Variants in DEK observed in about 807,000 individuals in gnomAD.
The protein encoded by DEK is DEK proto-oncogene, also known as protein DEK.
DEK carries 28 observed loss-of-function variants against 46.8 expected under a neutral mutation model. That is an observed-to-expected ratio of 0.60 (90% CI 0.44 to 0.82). The LOEUF is 0.82. Ranked by LOEUF, DEK falls within the 40% of genes least tolerant of loss-of-function variation. The pLI, the probability that DEK is intolerant of heterozygous loss-of-function variation, is 0.00. For synonymous variants in DEK, 160 were observed against 144.5 expected, an observed-to-expected ratio of 1.11 and a Z score of -0.77; for missense variants, 416 against 430.6, an observed-to-expected ratio of 0.97 and a Z score of 0.30.
rs1361024589 is a variant in DEK at position 18,237,041 on chromosome 6, G to A, written c.898+340C>T. 2.4e-5 allele frequency: 5 copies of A among 205,380 alleles called. No homozygotes were observed. The South Asian group carries it at 4.7e-4, about 19-fold the overall frequency. 12.7% of individuals were successfully genotyped at this position (205,380 alleles called of 1,614,324 possible). A position where few individuals can be genotyped will look rare whatever the true frequency, so the allele number is the denominator to read the frequency against. ...CAGCAGTTCAAGGCTACAGTGAGCT[G>A]TAACGGCACCACTGCAATAAATAAT... On this transcript the variant is annotated intron_variant, in intron 8 of 10. Coordinates refer to ENST00000652689, the MANE Select transcript of DEK (RefSeq NM_003472.4).
chr6:18,230,564 CAG>C (rs939599299), intron 9 of DEK, among the ~76,000 whole-genome samples: 22 of 152,102 alleles, frequency 1.4e-4, no homozygotes, highest in African/African-American at 4.8e-4. Flanking sequence ...ACAAAAAAAA[CAG>C]GGGTTGCAAT....
rs78715870 is a variant in DEK at position 18,242,869 on chromosome 6, T to C, written c.763-5353A>G. Among the ~76,000 whole-genome samples, 757 of 152,300 alleles carry C rather than the reference T, an allele frequency of 5.0e-3. 5 individuals carry two copies. The highest frequency in any genetic ancestry group is 0.017 in the African/African-American group (724 of 41,562). On this transcript the variant is annotated intron_variant, in intron 7 of 10. Transcript: ENST00000652689. ...CTATAGTAAGAACAAATCTTCTATA[T>C]GTGAAATTGTGAAGGGAAAAGAACT...
At chr6:18,228,737 G>A (rs574709406) in intron 9 of DEK, among the ~76,000 whole-genome samples, 43 of 152,260 alleles carry the variant, frequency 2.8e-4, no homozygotes, top group Admixed American at 2.7e-3. Context: ...TCCCGCGCCT[G>A]GCTCGGAGAG....
intron 7 of DEK, 102 bp from the exon 8 acceptor site, chr6:18,237,618 C>T (rs905468531): frequency 1.4e-6 from 2 of 1,395,064 alleles, no homozygotes; most frequent in Non-Finnish European, 1.9e-6. Flanking sequence ...TTAGAGAAAA[C>T]CAATATATTT....
chr6:18,250,567 CCT>C (rs1491187744), intron 6 of DEK, among the ~76,000 whole-genome samples: 10 of 114,426 alleles, frequency 8.7e-5, no homozygotes, highest in African/African-American at 3.3e-4. Context: ...GGGAGAAAAA[CCT>C]TTTTTTTTTT....
intron 9 of DEK, among the ~76,000 whole-genome samples, chr6:18,230,853 A>G (rs983012319): frequency 2.0e-5 from 3 of 152,178 alleles, no homozygotes; most frequent in Non-Finnish European, 1.5e-5. Flanking sequence ...CCAGGAATTG[A>G]ACTCAGCTCT....
At chr6:18,250,009 G>C (rs1375407948) in intron 6 of DEK, among the ~76,000 whole-genome samples, 170 bp from the exon 7 acceptor site, 1 of 152,094 alleles carries the variant, frequency 6.6e-6, no homozygotes, top group Non-Finnish European at 1.5e-5. Context: ...ACCTAAAACT[G>C]TGTTACTAAT....
intron 9 of DEK, among the ~76,000 whole-genome samples, chr6:18,230,758 G>C: frequency 6.6e-6 from 1 of 152,124 alleles, no homozygotes; most frequent in East Asian, 1.9e-4. Context: ...AAGAGACGTA[G>C]ACTCCCACAC....
chr6:18,237,047 G>GCA (rs1790683779), intron 8 of DEK: 1 of 208,226 alleles, frequency 4.8e-6, no homozygotes, highest in Non-Finnish European at 9.4e-6. Flanking sequence ...AGCTGTAACG[G>GCA]CACCACTGCA....
chr6:18,238,482 A>C (rs1262522064), intron 7 of DEK, among the ~76,000 whole-genome samples: 2 of 151,878 alleles, frequency 1.3e-5, no homozygotes, highest in African/African-American at 4.8e-5. Context: ...GCGGATCATG[A>C]GATCAAGAGA....
At chr6:18,245,094 G>A (rs777030584) in intron 7 of DEK, among the ~76,000 whole-genome samples, 5 of 152,196 alleles carry the variant, frequency 3.3e-5, no homozygotes, top group Admixed American at 6.6e-5. Context: ...AGTTAGGTGG[G>A]CAGACAACAA....
At chr6:18,250,568 C>CTTTTT (rs70974716) in intron 6 of DEK, among the ~76,000 whole-genome samples, 2 of 62,814 alleles carry the variant, frequency 3.2e-5, no homozygotes, top group African/African-American at 6.9e-5. Flanking sequence ...GGAGAAAAAC[C>CTTTTT]TTTTTTTTTT....
chr6:18,259,424 A>T (rs1561993151), intron 2 of DEK, among the ~76,000 whole-genome samples: 33 of 144,802 alleles, frequency 2.3e-4, no homozygotes, highest in Non-Finnish European at 3.4e-4. Flanking sequence ...AAAAAAAAAA[A>T]AAAAAAAAAT....
At chr6:18,237,860 C>CTTTTTTTTTT (rs60332682) in intron 7 of DEK, among the ~76,000 whole-genome samples, 2 of 88,500 alleles carry the variant, frequency 2.3e-5, no homozygotes, top group Non-Finnish European at 4.2e-5. Context: ...CAACTGGAAT[C>CTTTTTTTTTT]TTTTTTTTTT....
intron 7 of DEK, among the ~76,000 whole-genome samples, chr6:18,241,007 A>G (rs1168912757): frequency 6.6e-6 from 1 of 152,232 alleles, no homozygotes; most frequent in Non-Finnish European, 1.5e-5. Context: ...AACCAGCTGT[A>G]AATTCTTCTG....
chr6:18,225,796 T>A, intron 10 of DEK, 66 bp from the exon 11 acceptor site: 2 of 1,576,174 alleles, frequency 1.3e-6, no homozygotes, highest in Non-Finnish European at 1.7e-6. Context: ...TTTCCACATC[T>A]ATTTTACTAT....
chr6:18,262,747 T>C (rs1392137918), intron 2 of DEK, among the ~76,000 whole-genome samples: 1 of 152,222 alleles, frequency 6.6e-6, no homozygotes, highest in Non-Finnish European at 1.5e-5. Flanking sequence ...GCAGCCAATT[T>C]TGTTGTTGTA....
chr6:18,264,015 C>G lies in DEK; in HGVS notation c.-9-19G>C. The G allele has an allele frequency of 6.3e-7, 1 of 1,583,604 alleles. No individual in the cohort carries two copies. Among genetic ancestry groups the G allele is most frequent in the Middle Eastern group, 1.7e-4 (1 of 5,918 alleles). ...TGTGAACCTGCATGCGGGAAGAAAG[C>G]CGGACGTCTCGGTCCTCCTACTCCC... On this transcript the variant is annotated intron_variant, in intron 1 of 10. Transcript: ENST00000652689.
intron 9 of DEK, among the ~76,000 whole-genome samples, chr6:18,227,044 A>AG (rs1215551442): frequency 6.6e-6 from 1 of 152,242 alleles, no homozygotes; most frequent in Non-Finnish European, 1.5e-5. Context: ...GGAAGGCTGC[A>AG]GGGACCTCTG....
Sources: allele counts gnomAD v4.1 joint callset (sites outside exome capture counted in the v4.1 genomes callset), GRCh38; gene constraint gnomAD v4.1.1; transcripts MANE v1.5; gene names NCBI Gene and HGNC (gene_info 2026-07-23, HGNC 2026-07-21).